The following SLC6A15 variants were observed in gnomAD, a reference collection of about 807,000 sequenced individuals.
SLC6A15 encodes sodium-dependent neutral amino acid transporter B(0)AT2.
Under a neutral mutation model 68.5 loss-of-function variants are expected in SLC6A15, and 33 were observed. The observed-to-expected ratio is 0.48, with a 90% CI of 0.37 to 0.64. The LOEUF (loss-of-function observed/expected upper bound fraction) is 0.64, where lower values mean the gene tolerates loss of function less well. Among genes scored for constraint, SLC6A15 ranks in the 30% least tolerant of loss-of-function variants. The pLI, the probability that SLC6A15 is intolerant of heterozygous loss-of-function variation, is 0.00. For synonymous variants in SLC6A15, 347 were observed against 301.0 expected (o/e 1.15, Z -1.58); for missense variants, 747 against 874.3 (o/e 0.85, Z 1.84).
chr12:84,907,272 A>G (rs1264625437), intron 1 of SLC6A15, among the ~76,000 whole-genome samples: 1 of 151,234 alleles, frequency 6.6e-6, no homozygotes, highest in African/African-American at 2.4e-5. Flanking sequence ...GGTGTGAACC[A>G]GGGAGGCAGA....
At chr12:84,894,562 T>G (rs1022692380) in intron 1 of SLC6A15, among the ~76,000 whole-genome samples, 1 of 152,008 alleles carries the variant, frequency 6.6e-6, no homozygotes. Flanking sequence ...AGAAAAAAAA[T>G]TTTAAATAGT....
chr12:84,864,803 C>T (rs995344788), intron 10 of SLC6A15, among the ~76,000 whole-genome samples: 1 of 152,126 alleles, frequency 6.6e-6, no homozygotes, highest in African/African-American at 2.4e-5. Context: ...CTTAATCTCT[C>T]TAAGCTTCAT....
At position 84,912,728 on chromosome 12, in the gene SLC6A15, C is replaced by A. The variant is rs1266979795; in HGVS notation, c.-394G>T. ...AGGCTGGCAAGGAGAGACTCGTGAG[C>A]GCCTGTGTGTCTGCCAGGGAAACAG... On this transcript the variant is annotated 5_prime_UTR_variant, in exon 1 of 12. Coordinates refer to ENST00000266682, the MANE Select transcript of SLC6A15 (RefSeq NM_182767.6). The A allele has an allele frequency of 3.9e-5, 6 of 152,712 alleles. No homozygotes were observed. Among genetic ancestry groups the A allele is most frequent in the Admixed American group, 3.9e-4 (6 of 15,288 alleles). The allele number at this position is 152,712 out of a possible 1,614,324, so 9.5% of individuals were successfully genotyped here. A position where few individuals can be genotyped will look rare whatever the true frequency, so the allele number is the denominator to read the frequency against.
At chr12:84,886,154 T>C (rs1019195217) in intron 2 of SLC6A15, 86 bp from the exon 3 acceptor site, 38 of 939,962 alleles carry the variant, frequency 4.0e-5, no homozygotes, top group Admixed American at 1.4e-4. Flanking sequence ...AAGATAATAT[T>C]TGAATTACTA....
intron 1 of SLC6A15, among the ~76,000 whole-genome samples, chr12:84,901,007 T>C (rs1422320787): frequency 7.6e-6 from 1 of 131,296 alleles, no homozygotes; most frequent in Non-Finnish European, 1.6e-5. Flanking sequence ...TATGTATATA[T>C]ATACATACAT....
At chr12:84,910,212 T>C (rs1425400344) in intron 1 of SLC6A15, among the ~76,000 whole-genome samples, 1 of 152,034 alleles carries the variant, frequency 6.6e-6, no homozygotes, top group African/African-American at 2.4e-5. Context: ...CAATCAACTA[T>C]ATAATGTGCA....
intron 4 of SLC6A15, among the ~76,000 whole-genome samples, chr12:84,884,753 G>A (rs745539364): frequency 9.2e-5 from 14 of 151,924 alleles, no homozygotes; most frequent in Non-Finnish European, 1.8e-4. Flanking sequence ...AGTGACATGG[G>A]TTACAAATGT....
At chr12:84,881,910 C>A in intron 5 of SLC6A15, 1 of 985,408 alleles carries the variant, frequency 1.0e-6, no homozygotes. Context: ...AGCTTTCTCC[C>A]CATCAGTGCC....
intron 5 of SLC6A15, chr12:84,882,636 C>G (rs568850542): frequency 6.1e-5 from 14 of 230,962 alleles, no homozygotes; most frequent in Non-Finnish European, 8.6e-5. Context: ...AACATGGGCT[C>G]TAGATTTAGA....
At chr12:84,881,229 A>G (rs1406748950) in intron 5 of SLC6A15, 2 of 158,538 alleles carry the variant, frequency 1.3e-5, no homozygotes, top group Non-Finnish European at 2.7e-5. Flanking sequence ...CCTCTGTGTG[A>G]CCACCTCCAG....
At chr12:84,883,168 A>G (rs1871906697) in intron 5 of SLC6A15, 3 of 970,524 alleles carry the variant, frequency 3.1e-6, no homozygotes, top group Admixed American at 1.2e-4. Context: ...AAAAAAAAAA[A>G]GTAATACGAA....
Position 84,899,420 on chromosome 12 carries a change from A to G in SLC6A15, c.-188-7112T>C, listed in dbSNP as rs116997202. Among the ~76,000 whole-genome samples, 22 of 152,338 alleles carry G rather than the reference A, an allele frequency of 1.4e-4. No individual in the cohort carries two copies. In the East Asian group the frequency reaches 4.0e-3, roughly 28 times the overall value. On this transcript the variant is annotated intron_variant, in intron 1 of 11. Transcript: ENST00000266682. ...CTTGAGGAGAGGCACAAAGTGATAA[A>G]AAAGTAGGCATGTCATCCAATTCCA...
intron 7 of SLC6A15, 31 bp from the exon 8 acceptor site, chr12:84,872,825 C>T (rs1406753911): frequency 2.6e-6 from 4 of 1,534,750 alleles, no homozygotes. Flanking sequence ...CAAATGAGCA[C>T]ATAAGAGTTC....
intron 7 of SLC6A15, 67 bp downstream of exon 7, chr12:84,873,020 A>C: frequency 4.6e-6 from 7 of 1,524,192 alleles, no homozygotes; most frequent in Non-Finnish European, 6.2e-6. Flanking sequence ...GCTATCATGT[A>C]TCAATAAAAG....
At chr12:84,906,605 A>G (rs1476868772) in intron 1 of SLC6A15, among the ~76,000 whole-genome samples, 1 of 152,200 alleles carries the variant, frequency 6.6e-6, no homozygotes, top group Non-Finnish European at 1.5e-5. Context: ...GTAACAGAAG[A>G]GGCTACCCAG....
chr12:84,869,236 G>T (rs1274182562), intron 9 of SLC6A15, among the ~76,000 whole-genome samples: 2 of 152,008 alleles, frequency 1.3e-5, no homozygotes, highest in Non-Finnish European at 2.9e-5. Flanking sequence ...AAGGCGGGCG[G>T]ATCACGAGGT....
intron 6 of SLC6A15, 68 bp downstream of exon 6, chr12:84,876,429 T>G (rs890323753): frequency 3.7e-6 from 3 of 821,738 alleles, no homozygotes; most frequent in Non-Finnish European, 5.8e-6. Flanking sequence ...AAATATAACT[T>G]AGAATATTTT....
At chr12:84,872,188 G>A (rs1053989661) in intron 8 of SLC6A15, among the ~76,000 whole-genome samples, 2 of 150,996 alleles carry the variant, frequency 1.3e-5, no homozygotes, top group Non-Finnish European at 2.9e-5. Context: ...ATCATGACTT[G>A]TGGAACACAA....
chr12:84,886,231 A>C (rs1210987162), intron 2 of SLC6A15, among the ~76,000 whole-genome samples, 163 bp from the exon 3 acceptor site: 1 of 152,182 alleles, frequency 6.6e-6, no homozygotes, highest in East Asian at 1.9e-4. Context: ...CTAGATTCTG[A>C]AACTTGAATT....
Sources: allele counts gnomAD v4.1 joint callset (sites outside exome capture counted in the v4.1 genomes callset), GRCh38; gene constraint gnomAD v4.1.1; transcripts MANE v1.5; gene names NCBI Gene and HGNC (gene_info 2026-07-23, HGNC 2026-07-21).